DLGAP4: variants seen among roughly 807,000 people sequenced by gnomAD.
The protein encoded by DLGAP4 is DLG associated protein 4, also known as disks large-associated protein 4.
A neutral mutation model predicts 86.9 loss-of-function variants in DLGAP4; 18 were observed. The observed-to-expected ratio is 0.21, with a 90% CI of 0.14 to 0.31. The LOEUF is 0.31. Ranked by LOEUF, DLGAP4 falls within the 10% of genes least tolerant of loss-of-function variation. The pLI, the probability that DLGAP4 is intolerant of heterozygous loss-of-function variation, is 1.00. For missense variants in DLGAP4, 1,085 were observed against 1,362.6 expected (o/e 0.80, Z 3.21); for synonymous variants, 548 against 574.3 (o/e 0.95, Z 0.65).
In DLGAP4 at chr20:36,481,947, G is replaced by A. The variant is rs117414941; in HGVS notation, c.1649-14758G>A. Among the ~76,000 whole-genome samples the A allele has an allele frequency of 4.8e-3, 730 of 152,132 alleles. 3 individuals carry two copies. Among genetic ancestry groups the A allele is most frequent in the Middle Eastern group, 0.02 (6 of 294 alleles). On this transcript the variant is annotated intron_variant, in intron 7 of 12. Transcript: ENST00000339266. The stretch of plus-strand genomic sequence containing the variant: ...TTTTCTTGTGTAATTGTCTTACTTG[G>A]GTTCCCAAACTCAGGGTCTTAATAT...
chr20:36,463,074 A>C (rs1283258909), intron 7 of DLGAP4, among the ~76,000 whole-genome samples: 2 of 152,156 alleles, frequency 1.3e-5, no homozygotes, highest in Non-Finnish European at 2.9e-5. Flanking sequence ...TTTGCAGAAC[A>C]CCAGAGTGGG....
chr20:36,358,724 C>T (rs2030417507), intron 1 of DLGAP4, among the ~76,000 whole-genome samples: 1 of 152,128 alleles, frequency 6.6e-6, no homozygotes, highest in Non-Finnish European at 1.5e-5. Flanking sequence ...AGGAGAATGG[C>T]GTGAACCCAG....
At chr20:36,526,772 C>T (rs1177289712) in intron 12 of DLGAP4, 41 bp from the exon 13 acceptor site, 1 of 1,524,398 alleles carries the variant, frequency 6.6e-7, no homozygotes, top group Non-Finnish European at 8.8e-7. Flanking sequence ...AACGTGGCAC[C>T]TTTATTTTAT....
chr20:36,467,040 CTCTCTCTCTCTCTCTCTCTCTCT>C, intron 7 of DLGAP4, among the ~76,000 whole-genome samples: 23 of 129,746 alleles, frequency 1.8e-4, no homozygotes, highest in Non-Finnish European at 2.5e-4. Flanking sequence ...CTCTCTCTCT[CTCTCTCTCTCTCTCTCTCTCTCT>C]CCCCCCCCCT....
At chr20:36,439,723 T>G in intron 4 of DLGAP4, 31 bp from the exon 5 acceptor site, 9 of 1,588,414 alleles carry the variant, frequency 5.7e-6, no homozygotes, top group Non-Finnish European at 7.7e-6. Context: ...ATGGGTGGGC[T>G]GAGCCCTGTC....
At chr20:36,339,844 G>T (rs1226104039) in intron 1 of DLGAP4, among the ~76,000 whole-genome samples, 1 of 152,210 alleles carries the variant, frequency 6.6e-6, no homozygotes, top group East Asian at 1.9e-4. Context: ...TCATGGAGGG[G>T]ACGCACAGCT....
intron 2 of DLGAP4, among the ~76,000 whole-genome samples, chr20:36,407,116 G>C (rs1469075125): frequency 6.6e-6 from 1 of 152,058 alleles, no homozygotes; most frequent in Non-Finnish European, 1.5e-5. Context: ...GAGGTGGGAG[G>C]ATCACTTGAG....
intron 7 of DLGAP4, among the ~76,000 whole-genome samples, chr20:36,463,852 G>A (rs2034215152): frequency 6.6e-6 from 1 of 152,160 alleles, no homozygotes; most frequent in Non-Finnish European, 1.5e-5. Flanking sequence ...CTAGAACTTT[G>A]GTGCAGGGAA....
chr20:36,442,386 G>A (rs1387159904), intron 5 of DLGAP4, among the ~76,000 whole-genome samples: 1 of 152,092 alleles, frequency 6.6e-6, no homozygotes, highest in African/African-American at 2.4e-5. Context: ...TAGAGATGGG[G>A]TTTCTCCATA....
At chr20:36,508,417 G>GA (rs1460154409) in intron 10 of DLGAP4, 10 of 143,376 alleles carry the variant, frequency 7.0e-5, no homozygotes, top group Middle Eastern at 3.6e-3. Context: ...TGATGTTTCA[G>GA]GGTTCTTTTT....
At chr20:36,390,276 A>G (rs537638599) in intron 2 of DLGAP4, among the ~76,000 whole-genome samples, 1 of 152,108 alleles carries the variant, frequency 6.6e-6, no homozygotes, top group African/African-American at 2.4e-5. Flanking sequence ...ACAGATAAAG[A>G]GAGCTTAGAG....
At chr20:36,392,174 C>T (rs1398470458) in intron 2 of DLGAP4, among the ~76,000 whole-genome samples, 1 of 152,118 alleles carries the variant, frequency 6.6e-6, no homozygotes, top group Admixed American at 6.6e-5. Flanking sequence ...GGGAGCCACT[C>T]GGCTTCCAGC....
At chr20:36,386,778 G>A (rs1353352519) in intron 2 of DLGAP4, among the ~76,000 whole-genome samples, 1 of 152,192 alleles carries the variant, frequency 6.6e-6, no homozygotes, top group Non-Finnish European at 1.5e-5. Context: ...TAGGGACGAA[G>A]TCTCACTGTG....
At chr20:36,411,642 G>A (rs2032502704) in intron 2 of DLGAP4, among the ~76,000 whole-genome samples, 2 of 152,092 alleles carry the variant, frequency 1.3e-5, no homozygotes, top group African/African-American at 4.8e-5. Flanking sequence ...TGGCCTTTGG[G>A]GTCTCCTCTA....
intron 7 of DLGAP4, among the ~76,000 whole-genome samples, chr20:36,456,845 A>G (rs771098683): frequency 6.6e-6 from 1 of 152,238 alleles, no homozygotes; most frequent in African/African-American, 2.4e-5. Flanking sequence ...CTCAGGGGGT[A>G]GAGAAGTCAC....
chr20:36,503,096 CAGTT>C (rs1410737605), intron 10 of DLGAP4, among the ~76,000 whole-genome samples: 1 of 152,162 alleles, frequency 6.6e-6, no homozygotes, highest in African/African-American at 2.4e-5. Flanking sequence ...GAATTTCTGT[CAGTT>C]AGTTGCTGTA....
At chr20:36,464,811 T>C (rs1196260205) in intron 7 of DLGAP4, among the ~76,000 whole-genome samples, 1 of 151,716 alleles carries the variant, frequency 6.6e-6, no homozygotes, top group East Asian at 1.9e-4. Flanking sequence ...GATTGCACCA[T>C]TGCACTCCAG....
chr20:36,402,200 T>C (rs1288929236), intron 2 of DLGAP4, among the ~76,000 whole-genome samples: 1 of 152,158 alleles, frequency 6.6e-6, no homozygotes, highest in Non-Finnish European at 1.5e-5. Flanking sequence ...GGGAATAGGC[T>C]GACAAAAAGG....
intron 8 of DLGAP4, 178 bp from the exon 9 acceptor site, chr20:36,499,410 G>A: frequency 6.9e-7 from 1 of 1,451,656 alleles, no homozygotes; most frequent in Non-Finnish European, 9.4e-7. Context: ...AATGAGCAGT[G>A]CCCGGCTTAA....
Sources: allele counts gnomAD v4.1 joint callset (sites outside exome capture counted in the v4.1 genomes callset), GRCh38; gene constraint gnomAD v4.1.1; transcripts MANE v1.5; gene names NCBI Gene and HGNC (gene_info 2026-07-23, HGNC 2026-07-21).